The following RSRC1 variants were observed in gnomAD, a reference collection of about 807,000 sequenced individuals.
RSRC1 encodes arginine and serine rich coiled-coil 1, also known as serine/Arginine-related protein 53.
Under a neutral mutation model 49.1 loss-of-function variants are expected in RSRC1, and 39 were observed. That is an observed-to-expected ratio of 0.79 (90% CI 0.61 to 1.04). The LOEUF (loss-of-function observed/expected upper bound fraction) is 1.04. RSRC1 is among the 50% of genes least tolerant of loss of function. RSRC1 has a pLI of 0.00. For synonymous variants in RSRC1, 143 were observed against 130.8 expected, an observed-to-expected ratio of 1.09 and a Z score of -0.63; for missense variants, 388 against 402.4, an observed-to-expected ratio of 0.96 and a Z score of 0.31.
intron 6 of RSRC1, among the ~76,000 whole-genome samples, chr3:158,450,331 C>CTTTTTTTTTTTTTT (rs57318071): frequency 7.9e-6 from 1 of 127,308 alleles, no homozygotes. Context: ...TTCTTTTTTG[C>CTTTTTTTTTTTTTT]TTTTTTTTTT....
At chr3:158,279,646 A>G (rs1369997327) in intron 4 of RSRC1, among the ~76,000 whole-genome samples, 1 of 152,264 alleles carries the variant, frequency 6.6e-6, no homozygotes, top group African/African-American at 2.4e-5. Context: ...AAGCAGATAT[A>G]AAACCATTTA....
intron 3 of RSRC1, among the ~76,000 whole-genome samples, chr3:158,159,695 T>A (rs1195783816): frequency 1.3e-5 from 2 of 152,168 alleles, no homozygotes; most frequent in Non-Finnish European, 2.9e-5. Flanking sequence ...AAAGCTTACA[T>A]AGAGCTCACT....
chr3:158,495,098 G>A (rs920758208), intron 7 of RSRC1, among the ~76,000 whole-genome samples: 3 of 152,062 alleles, frequency 2.0e-5, no homozygotes, highest in African/African-American at 4.8e-5. Context: ...CAATGTTAGG[G>A]TAGCTATGAC....
At chr3:158,321,626 AT>A (rs1728768697) in intron 5 of RSRC1, among the ~76,000 whole-genome samples, 1 of 150,758 alleles carries the variant, frequency 6.6e-6, no homozygotes, top group African/African-American at 2.4e-5. Context: ...GTCTGACTGT[AT>A]TAAGTTGGTG....
chr3:158,309,304 ATATT>A (rs1294277992), intron 5 of RSRC1, among the ~76,000 whole-genome samples: 2 of 151,840 alleles, frequency 1.3e-5, no homozygotes, highest in African/African-American at 4.8e-5. Flanking sequence ...GTGAAAAAAT[ATATT>A]TAAGGGATCT....
intron 6 of RSRC1, among the ~76,000 whole-genome samples, chr3:158,406,496 A>T (rs1158213496): frequency 6.6e-6 from 1 of 152,154 alleles, no homozygotes; most frequent in Non-Finnish European, 1.5e-5. Context: ...AAAATAATAC[A>T]TTAAGAAAAT....
At chr3:158,252,147 G>A (rs972569296) in intron 4 of RSRC1, among the ~76,000 whole-genome samples, 1 of 151,028 alleles carries the variant, frequency 6.6e-6, no homozygotes, top group African/African-American at 2.4e-5. Context: ...ATCTCACTTG[G>A]TCATGATGAA....
intron 4 of RSRC1, among the ~76,000 whole-genome samples, chr3:158,207,609 A>G (rs1721414164): frequency 7.0e-6 from 1 of 142,062 alleles, no homozygotes; most frequent in South Asian, 2.2e-4. Flanking sequence ...CACATGGGAA[A>G]ACAACCTATG....
intron 6 of RSRC1, among the ~76,000 whole-genome samples, chr3:158,393,341 A>AAC (rs199845637): frequency 7.9e-5 from 12 of 151,724 alleles, no homozygotes; most frequent in East Asian, 3.9e-4. Flanking sequence ...CTGAAATTGA[A>AAC]ACACACACAC....
intron 6 of RSRC1, among the ~76,000 whole-genome samples, chr3:158,445,338 G>T (rs1736641974): frequency 6.6e-6 from 1 of 152,132 alleles, no homozygotes; most frequent in Non-Finnish European, 1.5e-5. Context: ...AAAAGGGTGA[G>T]TTCATGTCCT....
At chr3:158,247,121 A>G (rs1723945695) in intron 4 of RSRC1, among the ~76,000 whole-genome samples, 1 of 152,024 alleles carries the variant, frequency 6.6e-6, no homozygotes, top group Admixed American at 6.6e-5. Context: ...CCTTATTCAG[A>G]AAGCCAGTCT....
rs191826213 is a variant in RSRC1 at position 158,188,818 on chromosome 3, A to T, written c.321-14254A>T. ...TTGGTCTTTCTTGATCTTTTGTTTC[A>T]TTATTTTTTGCTTCTTTTCTCTTTA... is the stretch of plus-strand genomic sequence containing the variant. On this transcript the variant is annotated intron_variant, in intron 3 of 9. Coordinates refer to ENST00000611884, the MANE Select transcript of RSRC1 (RefSeq NM_001271838.2). 6.6e-5 allele frequency among the ~76,000 whole-genome samples: 10 copies of T among 151,734 alleles called. No individual in the cohort carries two copies. In the East Asian group the frequency reaches 1.4e-3, roughly 21 times the overall value.
chr3:158,528,343 G>A (rs1712171585), intron 7 of RSRC1, among the ~76,000 whole-genome samples: 1 of 151,918 alleles, frequency 6.6e-6, no homozygotes, highest in Non-Finnish European at 1.5e-5. Context: ...TTGAATGATG[G>A]CTAGTGGCTT....
intron 6 of RSRC1, among the ~76,000 whole-genome samples, chr3:158,443,455 A>T (rs1736497503): frequency 6.6e-6 from 1 of 152,128 alleles, no homozygotes; most frequent in South Asian, 2.1e-4. Flanking sequence ...TCACAAGCCA[A>T]CTTCTGATAG....
intron 4 of RSRC1, among the ~76,000 whole-genome samples, chr3:158,263,901 A>G (rs1456237079): frequency 1.1e-4 from 17 of 152,058 alleles, no homozygotes; most frequent in Admixed American, 1.1e-3. Context: ...TTTATTTCTT[A>G]TATTAGTAAT....
chr3:158,331,831 T>C (rs1321783902), intron 5 of RSRC1, among the ~76,000 whole-genome samples: 1 of 151,410 alleles, frequency 6.6e-6, no homozygotes, highest in Non-Finnish European at 1.5e-5. Flanking sequence ...GTCTTTTTTT[T>C]TTTTTAAGTA....
At position 158,424,963 on chromosome 3, in the gene RSRC1, T is replaced by C. The variant is rs201756298; in HGVS notation, c.584-35972T>C. On this transcript the variant is annotated intron_variant, in intron 6 of 9. Coordinates refer to ENST00000611884, the MANE Select transcript of RSRC1 (RefSeq NM_001271838.2). ...TTTTTTATTGCGTCTATTTGATTCT[T>C]CTCTCTTTTTTTCTTTATTAGTCTT... 3.2e-3 allele frequency among the ~76,000 whole-genome samples: 484 copies of C among 151,568 alleles called. 16 individuals carry two copies. In the East Asian group the frequency reaches 0.053, roughly 17 times the overall value.
chr3:158,249,136 T>A (rs990645684), intron 4 of RSRC1, among the ~76,000 whole-genome samples: 3 of 152,188 alleles, frequency 2.0e-5, no homozygotes, highest in Non-Finnish European at 4.4e-5. Context: ...TAAAAAATCA[T>A]TTTATTGAGG....
chr3:158,226,077 C>T (rs550885354), intron 4 of RSRC1, among the ~76,000 whole-genome samples: 113 of 151,934 alleles, frequency 7.4e-4, no homozygotes, highest in Non-Finnish European at 1.5e-3. Context: ...GCGCTAGGCC[C>T]TAGACTTTTT....
Sources: allele counts gnomAD v4.1 joint callset (sites outside exome capture counted in the v4.1 genomes callset), GRCh38; gene constraint gnomAD v4.1.1; transcripts MANE v1.5; gene names NCBI Gene and HGNC (gene_info 2026-07-23, HGNC 2026-07-21).